Variants in FRAS1 observed in about 807,000 individuals in gnomAD.
The protein encoded by FRAS1 is Fraser extracellular matrix complex subunit 1.
Under a neutral mutation model 435.2 loss-of-function variants are expected in FRAS1, and 290 were observed. The observed-to-expected ratio is 0.67, with a 90% CI of 0.61 to 0.73. The LOEUF (loss-of-function observed/expected upper bound fraction) is 0.73. Ranked by LOEUF, FRAS1 falls within the 30% of genes least tolerant of loss-of-function variation. The pLI is 0.00. For synonymous variants in FRAS1, 1,800 were observed against 1,851.0 expected (o/e 0.97, Z 0.71); for missense variants, 4,860 against 5,001.5 (o/e 0.97, Z 0.85).
chr4:78,477,835 G>C lies in FRAS1; in HGVS notation c.7872G>C (p.Glu2624Asp). 1 of 1,613,250 alleles carries C rather than the reference G, an allele frequency of 6.2e-7. No individual in the cohort carries two copies. The highest frequency in any genetic ancestry group is 8.5e-7 in the Non-Finnish European group (1 of 1,179,498). Residue 2624 changes from glutamate (E) to aspartate (D), a missense_variant, in exon 55 of 74, where the codon GAG (glutamate) becomes GAC (aspartate). Transcript: ENST00000512123. ...GACAGGTCCAGTTTGATGAGCGAGA[G>C]GACACCAAGTCCTGCACCATTGTCA... The part of the protein sequence containing the change: ...YAGQVQFDER[E>D]DTKSCTIVIN...
chr4:78,522,504 T>C lies in FRAS1; in HGVS notation c.10649-145T>C, dbSNP rs1578372584. ...CCATTCTATCCAGTGTGGAATATAT[T>C]CTAAGGGGCAAAATGGGCTAAGCTT... On this transcript the variant is annotated intron_variant, in intron 68 of 73. Transcript: ENST00000512123. The C allele has an allele frequency of 1.0e-5, 7 of 690,582 alleles. No homozygotes were observed. In the East Asian group the frequency reaches 2.0e-4, roughly 19 times the overall value. 42.8% of individuals were successfully genotyped at this position (690,582 alleles called of 1,614,324 possible).
At chr4:78,364,245 A>G (rs17003161) in intron 22 of FRAS1, among the ~76,000 whole-genome samples, 191 bp downstream of exon 22, 25,448 of 152,256 alleles carry the variant, frequency 0.17, 2,733 homozygotes, top group East Asian at 0.34. Flanking sequence ...CAGCCTAATC[A>G]AAAGTGCTGG....
intron 2 of FRAS1, among the ~76,000 whole-genome samples, chr4:78,156,861 C>A (rs989521589): frequency 6.6e-6 from 1 of 152,138 alleles, no homozygotes; most frequent in Non-Finnish European, 1.5e-5. Context: ...GGATGGAAGA[C>A]CCCTGTTGTG....
intron 18 of FRAS1, among the ~76,000 whole-genome samples, chr4:78,326,044 G>A (rs927834276): frequency 5.9e-5 from 9 of 152,130 alleles, no homozygotes; most frequent in Admixed American, 4.6e-4. Flanking sequence ...ATTACATGAC[G>A]TACTTTATGT....
At chr4:78,500,810 G>A (rs1720654092) in intron 61 of FRAS1, among the ~76,000 whole-genome samples, 1 of 152,046 alleles carries the variant, frequency 6.6e-6, no homozygotes, top group African/African-American at 2.4e-5. Flanking sequence ...ATCTCAAGAT[G>A]GAACTGTCTT....
chr4:78,425,605 G>C (rs6825981), intron 35 of FRAS1, among the ~76,000 whole-genome samples: 8 of 151,964 alleles, frequency 5.3e-5, no homozygotes, highest in African/African-American at 1.9e-4. Context: ...ATTAAAAATC[G>C]CACTTGAATC....
chr4:78,096,080 T>C (rs1325959004), intron 2 of FRAS1, among the ~76,000 whole-genome samples: 1 of 152,158 alleles, frequency 6.6e-6, no homozygotes, highest in African/African-American at 2.4e-5. Flanking sequence ...GTTACAGGCA[T>C]TGGGTAAATA....
chr4:78,413,219 T>G (rs74533645), intron 32 of FRAS1, 134 bp downstream of exon 32: 66 of 515,234 alleles, frequency 1.3e-4, no homozygotes, highest in African/African-American at 1.3e-3. Flanking sequence ...CCAAAAAGCC[T>G]AGTGGTCACA....
intron 6 of FRAS1, among the ~76,000 whole-genome samples, chr4:78,258,114 G>A (rs1011724224): frequency 6.6e-6 from 1 of 152,242 alleles, no homozygotes; most frequent in African/African-American, 2.4e-5. Flanking sequence ...GCCTACAGGG[G>A]TGAATTGCTT....
At chr4:78,422,139 G>A in intron 34 of FRAS1, 139 bp downstream of exon 34, 1 of 794,554 alleles carries the variant, frequency 1.3e-6, no homozygotes, top group African/African-American at 1.8e-5. Flanking sequence ...CTTGAGACCT[G>A]TCAGCCAATA....
chr4:78,475,747 C>A (rs945743802), intron 54 of FRAS1, 141 bp downstream of exon 54: 15 of 729,758 alleles, frequency 2.1e-5, no homozygotes, highest in Middle Eastern at 8.1e-4. Flanking sequence ...TTCCTATGTT[C>A]CCCTCCCATA....
In FRAS1 at chr4:78,252,391, G is replaced by A. The variant is rs1353055740; in HGVS notation, c.310-1G>A. The A allele has an allele frequency of 3.7e-6, 6 of 1,612,330 alleles. No homozygotes were observed. The African/African-American group carries it at 4.0e-5, about 11-fold the overall frequency. On this transcript the variant is annotated splice_acceptor_variant, in intron 4 of 73. Coordinates refer to ENST00000512123, the MANE Select transcript of FRAS1 (RefSeq NM_025074.7). LOFTEE classifies it high-confidence loss of function. Reference sequence around the variant, plus strand: ...TTTTTTTCTGTCTCCCTAACACACAGCATGGGACAGAATGGGCCTCTTCTC... The same window carrying A: ...TTTTTTTCTGTCTCCCTAACACACAACATGGGACAGAATGGGCCTCTTCTC...
At chr4:78,263,452 T>C (rs1726211679) in intron 6 of FRAS1, among the ~76,000 whole-genome samples, 2 of 152,344 alleles carry the variant, frequency 1.3e-5, no homozygotes, top group Middle Eastern at 3.4e-3. Flanking sequence ...TCACGGGGAC[T>C]CTGCTACAGT....
intron 48 of FRAS1, 148 bp from the exon 49 acceptor site, chr4:78,464,295 C>T: frequency 7.3e-7 from 1 of 1,377,958 alleles, no homozygotes; most frequent in Non-Finnish European, 9.9e-7. Context: ...GCCACCTTGG[C>T]TCTTGCCCAA....
intron 3 of FRAS1, among the ~76,000 whole-genome samples, chr4:78,241,780 A>G (rs6833721): frequency 0.56 from 85,194 of 151,960 alleles, 25,319 homozygotes; most frequent in Non-Finnish European, 0.67. Flanking sequence ...GGTTGGCTAT[A>G]ACTGTGTGAA....
At chr4:78,099,643 G>T (rs1272919319) in intron 2 of FRAS1, among the ~76,000 whole-genome samples, 1 of 152,178 alleles carries the variant, frequency 6.6e-6, no homozygotes, top group Non-Finnish European at 1.5e-5. Flanking sequence ...CCTGGCCAGA[G>T]AGTTTTTTGC....
Position 78,245,225 on chromosome 4 carries a change from A to G in FRAS1, c.217-8A>G. ...CTGTTTTACTTTGAGCTGCTTTTAA[A>G]TGCTCAGGGAGAAGTGCTTCAAATA... is the stretch of plus-strand genomic sequence containing the variant. On this transcript the variant is annotated splice_polypyrimidine_tract_variant and splice_region_variant and intron_variant, in intron 3 of 73. Transcript: ENST00000512123. The G allele has an allele frequency of 6.3e-7, 1 of 1,595,922 alleles. No homozygotes were observed.
chr4:78,087,381 C>G (rs866163287), intron 2 of FRAS1, among the ~76,000 whole-genome samples: 7,384 of 152,124 alleles, frequency 0.049, 248 homozygotes, highest in Admixed American at 0.081. Context: ...GGGATGCCCT[C>G]TCTCACCACT....
At chr4:78,496,720 G>T in intron 59 of FRAS1, 85 bp from the exon 60 acceptor site, 1 of 1,264,424 alleles carries the variant, frequency 7.9e-7, no homozygotes. Context: ...ATGCAATAAA[G>T]AAGAAAGATA....
Sources: gnomAD v4.1 joint callset for allele counts (sites outside exome capture counted in the v4.1 genomes callset) on GRCh38, gnomAD v4.1.1 for gene constraint, MANE v1.5 for transcripts, NCBI Gene and HGNC (gene_info 2026-07-23, HGNC 2026-07-21) for gene names.